Variants in SUSD1 observed in about 807,000 individuals in gnomAD.
SUSD1 encodes the protein sushi domain-containing protein 1.
A neutral mutation model predicts 86.9 loss-of-function variants in SUSD1; 65 were observed. That is an observed-to-expected ratio of 0.75 (90% confidence interval 0.61 to 0.92). SUSD1 has a LOEUF of 0.92. Among genes scored for constraint, SUSD1 ranks in the 40% least tolerant of loss-of-function variants. The pLI, the probability that SUSD1 is intolerant of heterozygous loss-of-function variation, is 0.00. For missense variants in SUSD1, 850 were observed against 929.7 expected (o/e 0.91, Z 1.11); for synonymous variants, 346 against 350.0 (o/e 0.99, Z 0.13).
Position 112,069,716 on chromosome 9 carries a change from C to T in SUSD1, c.1754-6683G>A, listed in dbSNP as rs1829173414. On this transcript the variant is annotated intron_variant, in intron 12 of 16. Coordinates refer to ENST00000374270, the MANE Select transcript of SUSD1 (RefSeq NM_022486.5). ...GCCCCGCCCCCACCAGCTCTTTACT[C>T]CAAGAGTAATAATTCTAGTTCCTCT... Among the ~76,000 whole-genome samples the T allele has an allele frequency of 4.3e-5, 5 of 117,284 alleles. No homozygotes were observed. The East Asian group carries it at 1.5e-3, about 35-fold the overall frequency. The allele number at this position is 117,284 out of a possible 152,430, so 76.9% of individuals were successfully genotyped here.
chr9:112,094,823 T>C (rs555956708), intron 10 of SUSD1, among the ~76,000 whole-genome samples: 3 of 152,364 alleles, frequency 2.0e-5, no homozygotes, highest in East Asian at 3.9e-4. Context: ...GGAACTGTGA[T>C]ACTCTATAGT....
chr9:112,094,454 T>A (rs923165250), intron 10 of SUSD1, among the ~76,000 whole-genome samples: 2 of 152,152 alleles, frequency 1.3e-5, no homozygotes, highest in Non-Finnish European at 2.9e-5. Context: ...GGATTCTAGA[T>A]AAGAAACTCT....
chr9:112,115,717 G>T (rs916561134), intron 6 of SUSD1, among the ~76,000 whole-genome samples: 1 of 146,878 alleles, frequency 6.8e-6, no homozygotes, highest in East Asian at 2.0e-4. Flanking sequence ...ACTGAGGCAC[G>T]AGAACTGCTT....
chr9:112,125,894 G>A (rs1000251132), intron 5 of SUSD1, among the ~76,000 whole-genome samples: 9 of 152,184 alleles, frequency 5.9e-5, no homozygotes, highest in Admixed American at 3.9e-4. Context: ...GTTATTTCCA[G>A]GAGGGAGGTT....
chr9:112,166,429 G>C (rs192430342), intron 1 of SUSD1, among the ~76,000 whole-genome samples: 2 of 152,304 alleles, frequency 1.3e-5, no homozygotes, highest in African/African-American at 4.8e-5. Flanking sequence ...ATTCAGTAGG[G>C]GAGAGGCAGG....
rs116827432 is a variant in SUSD1, at chr9:112,142,653, T to C, written c.527-154A>G. ...CATTCCCACATGACTTCTGGGAACA[T>C]TTCCAACAATTGTCTTTATTCAATC... On this transcript the variant is annotated intron_variant, in intron 4 of 16. Transcript: ENST00000374270. The C allele has an allele frequency of 4.4e-3, 2,898 of 657,028 alleles. 66 individuals are homozygous for C. The African/African-American group carries it at 0.045, about 10-fold the overall frequency. The allele number at this position is 657,028 out of a possible 1,614,324, so 40.7% of individuals were successfully genotyped here.
At position 112,145,046 on chromosome 9, in the gene SUSD1, G is replaced by A. The variant is rs561318913; in HGVS notation, c.374-1423C>T. On this transcript the variant is annotated intron_variant, in intron 3 of 16. Transcript: ENST00000374270. Reference sequence around the variant, plus strand: ...GCTTTAAGTCCGGGAGTTCAAGGCCGGCCTGGGCAACACAGCAAGACCCTC... The same window carrying A: ...GCTTTAAGTCCGGGAGTTCAAGGCCAGCCTGGGCAACACAGCAAGACCCTC... 1.0e-3 allele frequency among the ~76,000 whole-genome samples: 156 copies of A among 152,070 alleles called. 1 individual carries two copies. Among genetic ancestry groups the A allele is most frequent in the African/African-American group, 3.0e-3 (123 of 41,498 alleles).
intron 1 of SUSD1, among the ~76,000 whole-genome samples, chr9:112,160,404 C>T (rs149375403): frequency 2.1e-3 from 313 of 152,054 alleles, no homozygotes; most frequent in African/African-American, 6.8e-3. Flanking sequence ...ATTAGCCGGG[C>T]GCAGTGGCAG....
chr9:112,171,230 C>A (rs1280328917), intron 1 of SUSD1, among the ~76,000 whole-genome samples: 1 of 152,182 alleles, frequency 6.6e-6, no homozygotes, highest in Non-Finnish European at 1.5e-5. Flanking sequence ...GCTGGGCGTA[C>A]CTGAACCACC....
At chr9:112,145,277 CCTT>C (rs769739636) in intron 3 of SUSD1, among the ~76,000 whole-genome samples, 14,531 of 124,932 alleles carry the variant, frequency 0.12, 808 homozygotes, top group East Asian at 0.19. Flanking sequence ...ACCATAATTT[CCTT>C]TTTTTTTTTT....
At chr9:112,072,546 G>C in intron 12 of SUSD1, among the ~76,000 whole-genome samples, 1 of 152,122 alleles carries the variant, frequency 6.6e-6, no homozygotes, top group Non-Finnish European at 1.5e-5. Flanking sequence ...AGAAACCCTA[G>C]TTTCCAGGCT....
At chr9:112,157,450 T>C in intron 2 of SUSD1, 50 bp downstream of exon 2, 2 of 1,322,004 alleles carry the variant, frequency 1.5e-6, no homozygotes, top group South Asian at 1.2e-5. Context: ...TACAAGAGAA[T>C]CTTGTTTCTC....
chr9:112,174,926 G>A (rs965350767), intron 1 of SUSD1, among the ~76,000 whole-genome samples: 2 of 151,594 alleles, frequency 1.3e-5, no homozygotes, highest in Admixed American at 6.6e-5. Flanking sequence ...GGTCGGGCGG[G>A]GGCAGGGAAG....
At chr9:112,168,827 CA>C (rs1469284156) in intron 1 of SUSD1, among the ~76,000 whole-genome samples, 1 of 152,160 alleles carries the variant, frequency 6.6e-6, no homozygotes, top group Non-Finnish European at 1.5e-5. Context: ...AGCACAAATG[CA>C]GTGCTTAAAT....
At chr9:112,153,218 G>C (rs558029601) in intron 2 of SUSD1, among the ~76,000 whole-genome samples, 1 of 149,868 alleles carries the variant, frequency 6.7e-6, no homozygotes, top group African/African-American at 2.5e-5. Context: ...AGTGGGCCGA[G>C]ATCACACCAC....
intron 1 of SUSD1, chr9:112,173,911 TG>T: frequency 3.8e-6 from 1 of 261,996 alleles, no homozygotes; most frequent in Non-Finnish European, 7.5e-6. Flanking sequence ...GGTTTCATGA[TG>T]CCGTTTCTGT....
rs561670034 is a variant in SUSD1 at position 112,048,405 on chromosome 9, G to A, written c.2149+3994C>T. ...TATATGTACATATATACACATATAT[G>A]TACATATACAGTAAATACATATGTA... On this transcript the variant is annotated intron_variant, in intron 15 of 16. Transcript: ENST00000374270. 3.7e-4 allele frequency among the ~76,000 whole-genome samples: 57 copies of A among 152,160 alleles called. 1 individual carries two copies. Among genetic ancestry groups the A allele is most frequent in the South Asian group, 8.3e-4 (4 of 4,820 alleles).
rs922703634 is a variant in SUSD1 at position 112,098,668 on chromosome 9, A to T, written c.1282-6T>A. On this transcript the variant is annotated splice_polypyrimidine_tract_variant and splice_region_variant and intron_variant, in intron 9 of 16. Transcript: ENST00000374270. The stretch of plus-strand genomic sequence containing the variant: ...CTCTGACCCAGAACGGTAAACTGTC[A>T]TGAGATTAAAAGAAAGTGTTACATT... The T allele has an allele frequency of 6.2e-7, 1 of 1,613,920 alleles. No individual in the cohort carries two copies. Among genetic ancestry groups the T allele is most frequent in the Non-Finnish European group, 8.5e-7 (1 of 1,179,882 alleles).
intron 10 of SUSD1, among the ~76,000 whole-genome samples, chr9:112,085,181 G>A (rs1218674614): frequency 6.6e-6 from 1 of 152,174 alleles, no homozygotes; most frequent in Non-Finnish European, 1.5e-5. Flanking sequence ...AAATGGTATT[G>A]CATTGACCCA....
Sources: gnomAD v4.1 joint callset for allele counts (sites outside exome capture counted in the v4.1 genomes callset) on GRCh38, gnomAD v4.1.1 for gene constraint, MANE v1.5 for transcripts, NCBI Gene and HGNC (gene_info 2026-07-23, HGNC 2026-07-21) for gene names.